GRK5: variants seen among roughly 807,000 people sequenced by gnomAD.
The protein encoded by GRK5 is G protein-coupled receptor kinase 5.
In GRK5, 40 loss-of-function variants were observed where a neutral mutation model predicts 78.4. The ratio of observed to expected loss-of-function variants is 0.51; its 90% CI spans 0.40 to 0.66. The LOEUF (loss-of-function observed/expected upper bound fraction) is 0.66, where lower values mean the gene tolerates loss of function less well. GRK5 is among the 30% of genes least tolerant of loss of function. GRK5 has a pLI of 0.00. For synonymous variants in GRK5, 289 were observed against 296.8 expected (o/e 0.97, Z 0.27); for missense variants, 598 against 759.9 (o/e 0.79, Z 2.50).
chr10:119,296,676 G>A (rs574501415), intron 1 of GRK5, among the ~76,000 whole-genome samples: 8 of 152,338 alleles, frequency 5.3e-5, no homozygotes, highest in East Asian at 3.9e-4. Context: ...TCTGATGAGC[G>A]TCTCTCATGG....
chr10:119,431,524 T>G lies in GRK5; in HGVS notation c.735T>G (p.Phe245Leu), dbSNP rs1468028276. ...KQILEKVNSQFVVNLAYAYET... is the reference protein window; with the variant it reads ...KQILEKVNSQLVVNLAYAYET... The stretch of plus-strand genomic sequence containing the variant: ...TCCTCGAGAAGGTCAACAGTCAGTT[T>G]GTGGTGAGTGAGCATCTGGGCCCAG... Residue 245 changes from phenylalanine to leucine, a missense_variant, in exon 8 of 16, where the codon TTT (phenylalanine) becomes TTG (leucine). By Grantham distance (22) the Phe-to-Leu change is conservative. Coordinates refer to ENST00000392870, the MANE Select transcript of GRK5 (RefSeq NM_005308.3). This position sits in a 1 kb window ranked among gnomAD's most constrained non-coding sequence, Gnocchi z 4.8. 2 of 1,612,762 alleles carry G rather than the reference T, an allele frequency of 1.2e-6. No homozygotes were observed. Among genetic ancestry groups the G allele is most frequent in the Admixed American group, 3.3e-5 (2 of 59,870 alleles).
rs1395009640 is a variant in GRK5 at position 119,207,677 on chromosome 10, G to C, written c.-241G>C. ...GTGGGGGGGAGCGTGTTGAGGGAGGGGGGAGGGGGGACACAGAGGGAGGAA... is the reference window on the plus strand; with the variant it reads ...GTGGGGGGGAGCGTGTTGAGGGAGGCGGGAGGGGGGACACAGAGGGAGGAA... On this transcript the variant is annotated 5_prime_UTR_variant, in exon 1 of 16. Transcript: ENST00000392870. 3.8e-5 allele frequency: 16 copies of C among 421,090 alleles called. No individual in the cohort carries two copies. The highest frequency in any genetic ancestry group is 5.3e-5 in the Admixed American group (1 of 18,916). 26.1% of individuals were successfully genotyped at this position (421,090 alleles called of 1,614,324 possible).
chr10:119,391,642 G>A (rs1851890083), intron 3 of GRK5, among the ~76,000 whole-genome samples: 3 of 152,126 alleles, frequency 2.0e-5, no homozygotes, highest in African/African-American at 7.2e-5. Context: ...GTGCCCAGGC[G>A]GGGACGGAGC....
chr10:119,318,960 G>A (rs991929509), intron 1 of GRK5, among the ~76,000 whole-genome samples: 1 of 152,090 alleles, frequency 6.6e-6, no homozygotes, highest in Non-Finnish European at 1.5e-5. Context: ...CAAAAGAAAC[G>A]CTTTAGTCTC....
Position 119,253,680 on chromosome 10 carries a change from G to C in GRK5, c.52+45711G>C, listed in dbSNP as rs1265060581. ...TTTCACTGTGGCTCTGGGCAGCCCA[G>C]CCCAGCTCCGGGGTGGATGCAAGGC... On this transcript the variant is annotated intron_variant, in intron 1 of 15. Coordinates refer to ENST00000392870, the MANE Select transcript of GRK5 (RefSeq NM_005308.3). This position sits in a 1 kb window ranked among gnomAD's most constrained non-coding sequence, Gnocchi z 5.7. 6.6e-6 allele frequency among the ~76,000 whole-genome samples: 1 copy of C among 152,212 alleles called. No homozygotes were observed. The highest frequency in any genetic ancestry group is 1.5e-5 in the Non-Finnish European group (1 of 68,050).
intron 2 of GRK5, among the ~76,000 whole-genome samples, chr10:119,330,638 T>TC (rs1178556593): frequency 6.6e-6 from 1 of 151,926 alleles, no homozygotes; most frequent in Non-Finnish European, 1.5e-5. Flanking sequence ...TTTCCACCTC[T>TC]CCCCTGAGAC....
chr10:119,226,796 A>C (rs183907317), intron 1 of GRK5, among the ~76,000 whole-genome samples: 1 of 151,628 alleles, frequency 6.6e-6, no homozygotes, highest in East Asian at 1.9e-4. Context: ...TCCTGACCTC[A>C]AATGACCCAT....
intron 2 of GRK5, among the ~76,000 whole-genome samples, chr10:119,328,147 C>T (rs922670016): frequency 3.3e-5 from 5 of 152,220 alleles, no homozygotes; most frequent in East Asian, 1.9e-4. Flanking sequence ...TGCACACTGG[C>T]GTGCTTTCCG....
Position 119,394,681 on chromosome 10 carries a change from GTGTGTGGGTGTGTGTGGGTGTGTAT to G in GRK5, c.262-2013_262-1989del, listed in dbSNP as rs1852003848. 3.4e-4 allele frequency among the ~76,000 whole-genome samples: 3 copies of G among 8,810 alleles called. 1 individual carries two copies. The highest frequency in any genetic ancestry group is 7.5e-4 in the African/African-American group (3 of 4,026). 5.8% of individuals were successfully genotyped at this position (8,810 alleles called of 152,430 possible). A position where few individuals can be genotyped will look rare whatever the true frequency, so the allele number is the denominator to read the frequency against. On this transcript the variant is annotated intron_variant, in intron 3 of 15. Transcript: ENST00000392870. ...TGTGTATCTGTGTCTGTGGGCACGT[GTGTGTGGGTGTGTGTGGGTGTGTAT>G]CTGTGTGTGTGGGGGCACGTGTATG...
At chr10:119,313,290 GTA>G (rs1850428688) in intron 1 of GRK5, among the ~76,000 whole-genome samples, 1 of 150,756 alleles carries the variant, frequency 6.6e-6, no homozygotes, top group Non-Finnish European at 1.5e-5. Context: ...GGGGATGGTG[GTA>G]ATGGTGGTGG....
chr10:119,249,142 G>C (rs1307711399), intron 1 of GRK5, among the ~76,000 whole-genome samples: 1 of 151,990 alleles, frequency 6.6e-6, no homozygotes, highest in Non-Finnish European at 1.5e-5. Context: ...ATGGTGGCGG[G>C]TGCCTGTAAT....
At chr10:119,425,264 C>CAT (rs1471125332) in intron 6 of GRK5, among the ~76,000 whole-genome samples, 179 bp downstream of exon 6, 11 of 112,746 alleles carry the variant, frequency 9.8e-5, no homozygotes, top group Non-Finnish European at 2.1e-4. Flanking sequence ...CAAGCACACA[C>CAT]ACATACACAC....
intron 1 of GRK5, among the ~76,000 whole-genome samples, chr10:119,249,434 C>T (rs1032257125): frequency 1.8e-4 from 27 of 152,250 alleles, no homozygotes; most frequent in African/African-American, 5.8e-4. Flanking sequence ...TTATGTGACA[C>T]ACCAGGTATA....
chr10:119,298,288 A>G (rs1028600244), intron 1 of GRK5, among the ~76,000 whole-genome samples: 2 of 152,092 alleles, frequency 1.3e-5, no homozygotes, highest in Non-Finnish European at 2.9e-5. Context: ...ATGTGTTCCT[A>G]CCTCTGGGGA....
At chr10:119,316,099 G>A (rs1184781500) in intron 1 of GRK5, among the ~76,000 whole-genome samples, 1 of 152,182 alleles carries the variant, frequency 6.6e-6, no homozygotes, top group East Asian at 1.9e-4. Flanking sequence ...GGGGGTGATA[G>A]TTTCTGTGGC....
chr10:119,434,972 C>T (rs1194223704), intron 8 of GRK5, among the ~76,000 whole-genome samples: 3 of 152,246 alleles, frequency 2.0e-5, no homozygotes, highest in African/African-American at 2.4e-5. Flanking sequence ...TCTGTGCACT[C>T]GCAGGCTCAA....
intron 1 of GRK5, among the ~76,000 whole-genome samples, chr10:119,326,120 A>G (rs1191173049): frequency 2.0e-5 from 3 of 152,372 alleles, no homozygotes; most frequent in Middle Eastern, 6.8e-3. Context: ...ATGAGGGGCC[A>G]TGGGCACCTG....
rs184758619 is a variant in GRK5, at chr10:119,222,881, A to G, written c.52+14912A>G. On this transcript the variant is annotated intron_variant, in intron 1 of 15. Transcript: ENST00000392870. The stretch of plus-strand genomic sequence containing the variant: ...GATCTGAGGGCCAAAAGGGGCCCGC[A>G]TGGGTGGCCGTGCAGGAGCAGAAAG... 2.0e-5 allele frequency among the ~76,000 whole-genome samples: 3 copies of G among 152,328 alleles called. No individual in the cohort carries two copies. The East Asian group carries it at 5.8e-4, about 29-fold the overall frequency.
At chr10:119,419,470 C>G (rs564275884) in intron 4 of GRK5, among the ~76,000 whole-genome samples, 2 of 152,338 alleles carry the variant, frequency 1.3e-5, no homozygotes, top group African/African-American at 4.8e-5. Flanking sequence ...GCTTCTTATT[C>G]CCATCTTACT....
Sources: gnomAD v4.1 joint callset for allele counts (sites outside exome capture counted in the v4.1 genomes callset) on GRCh38, gnomAD v4.1.1 for gene constraint, Gnocchi (gnomAD v3.1) non-coding constraint, MANE v1.5 for transcripts, NCBI Gene and HGNC (gene_info 2026-07-23, HGNC 2026-07-21) for gene names.